Variants in NRXN3 observed in about 807,000 individuals in gnomAD.
The protein encoded by NRXN3 is neurexin III.
NRXN3 carries 32 observed loss-of-function variants against 137.6 expected under a neutral mutation model. That is an observed-to-expected ratio of 0.23 (90% confidence interval 0.18 to 0.31). The LOEUF (loss-of-function observed/expected upper bound fraction) is 0.31. Among genes scored for constraint, NRXN3 ranks in the 10% least tolerant of loss-of-function variants. The pLI is 1.00. For missense variants in NRXN3, 1,574 were observed against 2,062.5 expected (o/e 0.76, Z 4.59); for synonymous variants, 798 against 784.5 (o/e 1.02, Z -0.29).
intron 4 of NRXN3, among the ~76,000 whole-genome samples, chr14:78,597,827 A>G (rs2097170380): frequency 6.6e-6 from 1 of 152,120 alleles, no homozygotes; most frequent in Non-Finnish European, 1.5e-5. Context: ...AGTCAAGGGG[A>G]TGCAAGGGTA....
At chr14:79,280,204 A>G in intron 15 of NRXN3, 4 of 1,564,560 alleles carry the variant, frequency 2.6e-6, no homozygotes, top group Admixed American at 3.5e-5. Context: ...TCCTCCTGCT[A>G]TGATGGGCCC....
intron 4 of NRXN3, among the ~76,000 whole-genome samples, chr14:78,405,312 G>C (rs183372655): frequency 6.6e-6 from 1 of 152,108 alleles, no homozygotes; most frequent in African/African-American, 2.4e-5. Context: ...CTTTGGAGGT[G>C]ATAAAGCAGA....
chr14:79,316,525 G>C (rs572962421), intron 15 of NRXN3, among the ~76,000 whole-genome samples: 1 of 152,286 alleles, frequency 6.6e-6, no homozygotes, highest in East Asian at 1.9e-4. Flanking sequence ...CCGGATGATC[G>C]GTGGTAAGGG....
intron 4 of NRXN3, among the ~76,000 whole-genome samples, chr14:78,319,325 A>G (rs9323662): frequency 0.05 from 7,585 of 152,210 alleles, 608 homozygotes; most frequent in African/African-American, 0.17. Flanking sequence ...GGAAACATGG[A>G]GGTCATGGCA....
At chr14:78,361,639 A>G (rs2085129968) in intron 4 of NRXN3, among the ~76,000 whole-genome samples, 1 of 152,144 alleles carries the variant, frequency 6.6e-6, no homozygotes, top group South Asian at 2.1e-4. Context: ...TAGATTAATC[A>G]ATACCAAGAT....
At chr14:78,574,011 C>T (rs548183704) in intron 4 of NRXN3, among the ~76,000 whole-genome samples, 8 of 152,330 alleles carry the variant, frequency 5.3e-5, no homozygotes, top group African/African-American at 1.7e-4. Flanking sequence ...CTCTGCATCC[C>T]AGCTGTGGCT....
At chr14:79,456,583 C>T (rs1451904858) in intron 15 of NRXN3, among the ~76,000 whole-genome samples, 16 of 151,958 alleles carry the variant, frequency 1.1e-4, no homozygotes, top group South Asian at 2.1e-4. Flanking sequence ...AAAAATTATC[C>T]GAGCATAGTG....
chr14:78,428,167 GAAT>G (rs1365973021), intron 4 of NRXN3, among the ~76,000 whole-genome samples: 1 of 152,184 alleles, frequency 6.6e-6, no homozygotes, highest in Non-Finnish European at 1.5e-5. Context: ...TGAGACTTAA[GAAT>G]AATAAGTATT....
At chr14:78,604,305 T>G (rs1016308444) in intron 4 of NRXN3, among the ~76,000 whole-genome samples, 1 of 150,722 alleles carries the variant, frequency 6.6e-6, no homozygotes, top group Non-Finnish European at 1.5e-5. Flanking sequence ...GTCATTTGTT[T>G]TTTTTTTTTT....
At chr14:78,543,200 T>A (rs1261159221) in intron 4 of NRXN3, among the ~76,000 whole-genome samples, 1 of 152,198 alleles carries the variant, frequency 6.6e-6, no homozygotes, top group Non-Finnish European at 1.5e-5. Context: ...TATGGCTAGA[T>A]GTCCATTTCC....
At chr14:79,517,873 C>A (rs1338690260) in intron 16 of NRXN3, among the ~76,000 whole-genome samples, 1 of 88,588 alleles carries the variant, frequency 1.1e-5, no homozygotes, top group Non-Finnish European at 2.5e-5. Context: ...ATTACTTTTT[C>A]TTTCAGAGTT....
intron 16 of NRXN3, among the ~76,000 whole-genome samples, chr14:79,574,241 CATACATAT>C (rs1181790082): frequency 1.3e-5 from 2 of 151,286 alleles, no homozygotes; most frequent in Non-Finnish European, 2.9e-5. Context: ...CACACACACA[CATACATAT>C]ATACATATAT....
At position 78,511,238 on chromosome 14, in the gene NRXN3, C is replaced by T. The variant is rs78042949; in HGVS notation, c.758-133882C>T. Reference sequence around the variant, plus strand: ...AGTCCCAGGATTCCATATATGGGGACATTGGGCGTGTTTTAAGCCATATGC... The same window carrying T: ...AGTCCCAGGATTCCATATATGGGGATATTGGGCGTGTTTTAAGCCATATGC... On this transcript the variant is annotated intron_variant, in intron 4 of 20. Transcript: ENST00000335750. Among the ~76,000 whole-genome samples, 11 of 152,296 alleles carry T rather than the reference C, an allele frequency of 7.2e-5. No homozygotes were observed. The East Asian group carries it at 1.9e-3, about 27-fold the overall frequency.
chr14:79,347,433 T>A lies in NRXN3; in HGVS notation c.3263-119788T>A, dbSNP rs150593924. 1.6e-4 allele frequency among the ~76,000 whole-genome samples: 24 copies of A among 152,042 alleles called. 1 individual carries two copies. In the East Asian group the frequency reaches 4.3e-3, roughly 27 times the overall value. ...GAATGAGGCAACGTTTTCCTTTTTT[T>A]TTTTTTGAAACAGAGTCTCGCTCTG... On this transcript the variant is annotated intron_variant, in intron 15 of 20. Coordinates refer to ENST00000335750, the MANE Select transcript of NRXN3 (RefSeq NM_001330195.2).
intron 19 of NRXN3, among the ~76,000 whole-genome samples, chr14:79,778,533 G>A (rs1267162452): frequency 6.6e-6 from 1 of 152,174 alleles, no homozygotes; most frequent in East Asian, 1.9e-4. Context: ...GATAAACCTG[G>A]AAAATGTTTT....
At chr14:78,753,994 A>T (rs2098655737) in intron 8 of NRXN3, 2 of 152,208 alleles carry the variant, frequency 1.3e-5, no homozygotes, top group Non-Finnish European at 2.9e-5. Flanking sequence ...TCAGCAATTC[A>T]TGAATCAGGC....
At position 79,251,313 on chromosome 14, in the gene NRXN3, T is replaced by C. The variant is rs79124396; in HGVS notation, c.3263-215908T>C. 3.3e-3 allele frequency among the ~76,000 whole-genome samples: 497 copies of C among 152,220 alleles called. 3 individuals carry two copies. The highest frequency in any genetic ancestry group is 0.011 in the African/African-American group (466 of 41,526). On this transcript the variant is annotated intron_variant, in intron 15 of 20. Coordinates refer to ENST00000335750, the MANE Select transcript of NRXN3 (RefSeq NM_001330195.2). ...AGGTACTAGGGAATGAACAGCACTC[T>C]GAGAATGGGAAACAGGGGCCGAGCT... is the stretch of plus-strand genomic sequence containing the variant.
chr14:79,260,516 C>A lies in NRXN3; in HGVS notation c.3263-206705C>A, dbSNP rs2077439044. 2.0e-5 allele frequency among the ~76,000 whole-genome samples: 3 copies of A among 152,186 alleles called. No individual in the cohort carries two copies. In the South Asian group the frequency reaches 6.2e-4, roughly 31 times the overall value. On this transcript the variant is annotated intron_variant, in intron 15 of 20. Transcript: ENST00000335750. Reference sequence around the variant, plus strand: ...TCACCCCCATCCGCACAGCCACCCACAACATAGGTGTATATTGTCTCTGTA... The same window carrying A: ...TCACCCCCATCCGCACAGCCACCCAAAACATAGGTGTATATTGTCTCTGTA...
At chr14:79,555,331 A>G (rs1465986427) in intron 16 of NRXN3, among the ~76,000 whole-genome samples, 1 of 152,182 alleles carries the variant, frequency 6.6e-6, no homozygotes, top group East Asian at 1.9e-4. Flanking sequence ...CAGTGTCAGG[A>G]ATCCAACTGG....
Sources: allele counts gnomAD v4.1 joint callset (sites outside exome capture counted in the v4.1 genomes callset), GRCh38; gene constraint gnomAD v4.1.1; transcripts MANE v1.5; gene names NCBI Gene and HGNC (gene_info 2026-07-23, HGNC 2026-07-21).